FANCB: variants seen among roughly 807,000 people sequenced by gnomAD.
FANCB encodes the protein FA complementation group B.
A neutral mutation model predicts 38.9 loss-of-function variants in FANCB; 5 were observed. The ratio of observed to expected loss-of-function variants is 0.13; its 90% CI spans 0.07 to 0.27. The LOEUF is 0.27. FANCB is among the 10% of genes least tolerant of loss of function. The pLI is 1.00. For synonymous variants in FANCB, 236 were observed against 215.4 expected, an observed-to-expected ratio of 1.10 and a Z score of -0.84; for missense variants, 573 against 602.7, an observed-to-expected ratio of 0.95 and a Z score of 0.52.
intron 9 of FANCB, 59 bp from the exon 10 acceptor site, chrX:14,844,040 T>C: frequency 4.3e-6 from 4 of 924,848 alleles, no homozygotes; most frequent in Non-Finnish European, 6.2e-6. Context: ...AGCAGTCATG[T>C]ACAATATACT....
At chrX:14,838,253 T>C (rs1389449081) in intron 10 of FANCB, among the ~76,000 whole-genome samples, 1 of 111,872 alleles carries the variant, frequency 8.9e-6, no homozygotes, top group East Asian at 2.8e-4. Flanking sequence ...AAGTGTGGGC[T>C]ATAATTTTAA....
the FANCB span, among the ~76,000 whole-genome samples, chrX:14,736,806 C>G: frequency 9.0e-6 from 1 of 111,398 alleles, no homozygotes; most frequent in East Asian, 2.8e-4. Flanking sequence ...AGTATCTCCA[C>G]GAAGAAAGAA....
the FANCB span, among the ~76,000 whole-genome samples, chrX:14,718,580 C>T: frequency 2.7e-5 from 3 of 111,848 alleles, no homozygotes; most frequent in Non-Finnish European, 3.8e-5. Context: ...TTAGCTCAGA[C>T]GATTCAAAGA....
At chrX:14,867,637 T>C (rs376593764) in intron 2 of FANCB, among the ~76,000 whole-genome samples, 1 of 109,291 alleles carries the variant, frequency 9.1e-6, no homozygotes, top group Non-Finnish European at 1.9e-5. Flanking sequence ...GAACAAAACA[T>C]AGGGGAAACA....
At chrX:14,745,903 T>C in the FANCB span, among the ~76,000 whole-genome samples, 3 of 108,684 alleles carry the variant, frequency 2.8e-5, no homozygotes, top group Non-Finnish European at 5.7e-5. Flanking sequence ...GGTTTCACCG[T>C]GTTAGCCAGG....
chrX:14,823,079 C>CTTTTTTTTT, the FANCB span, among the ~76,000 whole-genome samples: 255 of 71,010 alleles, frequency 3.6e-3, 2 homozygotes, highest in East Asian at 8.0e-3. Context: ...TACCCTTTTA[C>CTTTTTTTTT]TTTTTTTTTT....
rs1026972075 is a variant in FANCB, at chrX:14,865,056, A to G, written c.455T>C (p.Phe152Ser). 1 of 1,210,630 alleles carries G rather than the reference A, an allele frequency of 8.3e-7. No homozygotes were observed. The highest frequency in any genetic ancestry group is 1.7e-5 in the African/African-American group (1 of 57,766). The change falls in exon 3 of 10, where the codon TTT (phenylalanine) becomes TCT (serine). Residue 152 changes from phenylalanine to serine, a missense_variant. Coordinates refer to ENST00000650831, the MANE Select transcript of FANCB (RefSeq NM_001018113.3). ...AACTTTGCCAGTTTGAGAAGAGATA[A>G]AGAAGAATGCTTTGACATGCCTCCA... Reference protein sequence around the residue: ...ILWRHVKAFFFISSQTGKVVS... With the variant: ...ILWRHVKAFFSISSQTGKVVS...
chrX:14,844,083 CATA>C lies in FANCB; in HGVS notation c.2166-105_2166-103del, dbSNP rs1380782613. On this transcript the variant is annotated intron_variant, in intron 9 of 9. Transcript: ENST00000650831. The stretch of plus-strand genomic sequence containing the variant: ...TCAATTAATATTCATTTATAAACAC[CATA>C]ATGATAAACAGAACCAATTATGTAC... 7.4e-6 allele frequency: 5 copies of C among 677,673 alleles called. No homozygotes were observed. The African/African-American group carries it at 8.8e-5, about 12-fold the overall frequency. 55.8% of individuals were successfully genotyped at this position (677,673 alleles called of 1,213,427 possible). A position where few individuals can be genotyped will look rare whatever the true frequency, so the allele number is the denominator to read the frequency against.
the FANCB span, among the ~76,000 whole-genome samples, chrX:14,803,367 T>G: frequency 9.0e-6 from 1 of 111,270 alleles, no homozygotes; most frequent in Non-Finnish European, 1.9e-5. Flanking sequence ...CAACCAGGGA[T>G]TTCAAGACCT....
chrX:14,719,203 A>T, the FANCB span, among the ~76,000 whole-genome samples: 1 of 111,830 alleles, frequency 8.9e-6, no homozygotes. Flanking sequence ...ATAATTAATG[A>T]CCTATAAAAG....
the FANCB span, among the ~76,000 whole-genome samples, chrX:14,786,546 T>G: frequency 9.0e-6 from 1 of 111,209 alleles, no homozygotes; most frequent in South Asian, 3.8e-4. Context: ...TAAAACATTT[T>G]TAACCCTCTA....
the FANCB span, among the ~76,000 whole-genome samples, chrX:14,815,289 T>C: frequency 9.2e-6 from 1 of 109,119 alleles, no homozygotes; most frequent in African/African-American, 3.4e-5. Context: ...CTGCACGTTG[T>C]GCACATGTAC....
chrX:14,809,261 T>G, the FANCB span, among the ~76,000 whole-genome samples: 1 of 111,910 alleles, frequency 8.9e-6, no homozygotes, highest in Non-Finnish European at 1.9e-5. Flanking sequence ...ACACAGAAGA[T>G]GGGTGATTTC....
chrX:14,722,177 T>G, the FANCB span, among the ~76,000 whole-genome samples: 258 of 112,330 alleles, frequency 2.3e-3, no homozygotes, highest in Non-Finnish European at 3.7e-3. Context: ...TTCTGTGTGT[T>G]AAGAATTTGG....
intron 3 of FANCB, among the ~76,000 whole-genome samples, chrX:14,860,316 A>G (rs1201869913): frequency 8.9e-6 from 1 of 112,379 alleles, no homozygotes; most frequent in Non-Finnish European, 1.9e-5. Context: ...GCTAATTGCC[A>G]AAGTTGATTC....
At chrX:14,866,973 T>C (rs1356693258) in intron 2 of FANCB, among the ~76,000 whole-genome samples, 2 of 111,260 alleles carry the variant, frequency 1.8e-5, no homozygotes, top group African/African-American at 6.5e-5. Flanking sequence ...AAGAAAACAA[T>C]TCCATTTACA....
chrX:14,730,782 C>G, the FANCB span: 42 of 255,665 alleles, frequency 1.6e-4, no homozygotes, highest in Admixed American at 8.6e-4. Context: ...ACATGATATG[C>G]GCATCATTCA....
the FANCB span, among the ~76,000 whole-genome samples, chrX:14,812,650 C>A: frequency 6.2e-4 from 67 of 108,108 alleles, no homozygotes; most frequent in African/African-American, 1.9e-3. Flanking sequence ...CAATAACAGG[C>A]TCTGAAATTG....
At chrX:14,739,518 A>G in the FANCB span, among the ~76,000 whole-genome samples, 1 of 112,436 alleles carries the variant, frequency 8.9e-6, no homozygotes, top group African/African-American at 3.2e-5. Context: ...ATGCTCATGA[A>G]TGACGAAATA....
Sources: gnomAD v4.1 joint callset for allele counts (sites outside exome capture counted in the v4.1 genomes callset) on GRCh38, gnomAD v4.1.1 for gene constraint, MANE v1.5 for transcripts, NCBI Gene and HGNC (gene_info 2026-07-23, HGNC 2026-07-21) for gene names.